The following S100A9 variants were observed in gnomAD, a reference collection of about 807,000 sequenced individuals.
S100A9 encodes S100 calcium binding protein A9, also known as protein S100-A9.
In S100A9, 2 loss-of-function variants were observed where a neutral mutation model predicts 4.3. The observed-to-expected ratio is 0.47, with a 90% CI of 0.19 to 1.48. The LOEUF is 1.48. S100A9 is among the 40% of genes most tolerant of loss of function. The probability of loss-of-function intolerance (pLI) is 0.24; values close to 1 mark genes in which losing one functional copy is unlikely to be tolerated. For synonymous variants in S100A9, 67 were observed against 54.0 expected (o/e 1.24, Z -1.06); for missense variants, 130 against 144.4 (o/e 0.90, Z 0.51).
intron 2 of S100A9, among the ~76,000 whole-genome samples, chr1:153,359,088 C>T (rs1203188620): frequency 6.6e-6 from 1 of 152,068 alleles, no homozygotes; most frequent in East Asian, 1.9e-4. Flanking sequence ...TCCCCCGCTC[C>T]AAAAATGATT....
At position 153,360,727 on chromosome 1, in the gene S100A9, G is replaced by T; in HGVS notation, c.234G>T (p.Glu78Asp). The T allele has an allele frequency of 6.2e-7, 1 of 1,614,110 alleles. No individual in the cohort carries two copies. Among genetic ancestry groups the T allele is most frequent in the Non-Finnish European group, 8.5e-7 (1 of 1,179,920 alleles). ...CAGACAAGCAGCTGAGCTTCGAGGA[G>T]TTCATCATGCTGATGGCGAGGCTAA... ...TNADKQLSFE[E>D]FIMLMARLTW... The change falls in exon 3 of 3, where the codon GAG (glutamate) becomes GAT (aspartate). Residue 78 changes from glutamate to aspartate, a missense_variant. Physicochemically the swap from Glu to Asp is conservative, Grantham distance 45. Coordinates refer to ENST00000368738, the MANE Select transcript of S100A9 (RefSeq NM_002965.4).
intron 2 of S100A9, among the ~76,000 whole-genome samples, chr1:153,359,366 G>C (rs1047336951): frequency 6.6e-6 from 1 of 152,154 alleles, no homozygotes; most frequent in African/African-American, 2.4e-5. Flanking sequence ...AGGCAGGCAG[G>C]ATGCTGGGTG....
intron 2 of S100A9, 62 bp downstream of exon 2, chr1:153,358,495 A>AT: frequency 7.6e-7 from 1 of 1,310,232 alleles, no homozygotes; most frequent in Non-Finnish European, 1.0e-6. Context: ...ACAAGGGAGG[A>AT]TGGGAGTATG....
chr1:153,360,649 G>A lies in S100A9; in HGVS notation c.156G>A (p.Glu52=). The part of the protein sequence containing the change: ...RKDLQNFLKK[E]NKNEKVIEHI... ...CCTTCTCTCCCCACCCGCAGAAGGA[G>A]AATAAGAATGAAAAGGTCATAGAAC... Residue 52 remains glutamate (E), a synonymous_variant, in exon 3 of 3, where the codon GAG becomes GAA. Coordinates refer to ENST00000368738, the MANE Select transcript of S100A9 (RefSeq NM_002965.4). 1.9e-6 allele frequency: 3 copies of A among 1,604,266 alleles called. No homozygotes were observed. Among genetic ancestry groups the A allele is most frequent in the Non-Finnish European group, 2.6e-6 (3 of 1,173,088 alleles).
intron 2 of S100A9, among the ~76,000 whole-genome samples, chr1:153,359,637 A>G (rs182979548): frequency 1.2e-4 from 16 of 134,816 alleles, no homozygotes; most frequent in African/African-American, 4.0e-4. Context: ...GCTCTCTTGG[A>G]CCCCGCCTGG....
intron 2 of S100A9, 58 bp downstream of exon 2, chr1:153,358,491 G>A (rs1661388694): frequency 3.6e-6 from 5 of 1,384,238 alleles, no homozygotes; most frequent in Non-Finnish European, 4.9e-6. Flanking sequence ...GTTGACAAGG[G>A]AGGATGGGAG....
Position 153,360,938 on chromosome 1 carries a change from C to A in S100A9, c.*100C>A. ...AGGAGGCCAGGCCACCCTGCCTCTA[C>A]CCAACCAGGGCCCCGGGGCCTGTTA... On this transcript the variant is annotated 3_prime_UTR_variant, in exon 3 of 3. Coordinates refer to ENST00000368738, the MANE Select transcript of S100A9 (RefSeq NM_002965.4). 2 of 911,836 alleles carry A rather than the reference C, an allele frequency of 2.2e-6. 1 individual carries two copies. Among genetic ancestry groups the A allele is most frequent in the Non-Finnish European group, 3.3e-6 (2 of 612,410 alleles). The allele number at this position is 911,836 out of a possible 1,614,324, so 56.5% of individuals were successfully genotyped here.
chr1:153,360,463 G>A (rs192136275), intron 2 of S100A9, among the ~76,000 whole-genome samples, 181 bp from the exon 3 acceptor site: 2 of 152,140 alleles, frequency 1.3e-5, no homozygotes, highest in Non-Finnish European at 2.9e-5. Context: ...ACTGGAGAGC[G>A]TTTGGTATGT....
rs1273191177 is a variant in S100A9 at position 153,358,440 on chromosome 1, C to G, written c.150+7C>G. Reference sequence around the variant, plus strand: ...TCTGCAAAATTTTCTCAAGGTAGGGCTGGACTCTGGCAGGTCTGACCCAGC... The same window carrying G: ...TCTGCAAAATTTTCTCAAGGTAGGGGTGGACTCTGGCAGGTCTGACCCAGC... On this transcript the variant is annotated splice_region_variant and intron_variant, in intron 2 of 2. Coordinates refer to ENST00000368738, the MANE Select transcript of S100A9 (RefSeq NM_002965.4). The G allele has an allele frequency of 8.8e-6, 14 of 1,594,702 alleles. No individual in the cohort carries two copies. Among genetic ancestry groups the G allele is most frequent in the Non-Finnish European group, 1.1e-5 (13 of 1,168,228 alleles).
At position 153,360,766 on chromosome 1, in the gene S100A9, C is replaced by T. The variant is rs370370843; in HGVS notation, c.273C>T (p.His91=). 27 of 1,614,012 alleles carry T rather than the reference C, an allele frequency of 1.7e-5. No individual in the cohort carries two copies. In the East Asian group the frequency reaches 2.7e-4, roughly 16 times the overall value. ...MLMARLTWAS[H]EKMHEGDEGP... The stretch of plus-strand genomic sequence containing the variant: ...TGGCGAGGCTAACCTGGGCCTCCCA[C>T]GAGAAGATGCACGAGGGTGACGAGG... Residue 91 remains histidine (H), a synonymous_variant, in exon 3 of 3, where the codon CAC becomes CAT. Coordinates refer to ENST00000368738, the MANE Select transcript of S100A9 (RefSeq NM_002965.4).
chr1:153,360,863 G>A lies in S100A9; in HGVS notation c.*25G>A, dbSNP rs760007791. The A allele has an allele frequency of 4.7e-6, 7 of 1,495,154 alleles. No homozygotes were observed. The highest frequency in any genetic ancestry group is 1.8e-4 in the Middle Eastern group (1 of 5,504). 92.6% of individuals were successfully genotyped at this position (1,495,154 alleles called of 1,614,324 possible). On this transcript the variant is annotated 3_prime_UTR_variant, in exon 3 of 3. Transcript: ENST00000368738. ...AGACCACAGTGGCCAAGATCACAGT[G>A]GCCACGGCCACGGCCACAGTCATGG...
At position 153,358,312 on chromosome 1, in the gene S100A9, G is replaced by A. The variant is rs757621072; in HGVS notation, c.29G>A (p.Arg10His). The change falls in exon 2 of 3, where the codon CGC (arginine) becomes CAC (histidine). Residue 10 changes from arginine to histidine, a missense_variant. Arg to His is a conservative substitution (Grantham distance 29, BLOSUM62 0). Transcript: ENST00000368738. The part of the protein sequence containing the change: MTCKMSQLE[R>H]NIETIINTFH... ...ACTTGCAAAATGTCGCAGCTGGAAC[G>A]CAACATAGAGACCATCATCAACACC... is the stretch of plus-strand genomic sequence containing the variant. 172 of 1,608,102 alleles carry A rather than the reference G, an allele frequency of 1.1e-4. No individual in the cohort carries two copies. The highest frequency in any genetic ancestry group is 7.0e-4 in the South Asian group (63 of 90,464).
At chr1:153,358,567 G>A (rs1387088664) in intron 2 of S100A9, 134 bp downstream of exon 2, 6 of 704,740 alleles carry the variant, frequency 8.5e-6, no homozygotes, top group Non-Finnish European at 1.4e-5. Context: ...CGCAGCGAGT[G>A]TCCTGTTATA....
At chr1:153,357,964 C>T (rs1661377118) in intron 1 of S100A9, 83 bp downstream of exon 1, 1 of 183,240 alleles carries the variant, frequency 5.5e-6, no homozygotes, top group Admixed American at 6.2e-5. Context: ...CCTTCCAAAT[C>T]CTCCTCCTAG....
rs539669859 is a variant in S100A9, at chr1:153,360,627, T to C, written c.151-17T>C. ...TGGCCACACCCAGCTCTCACAGCCT[T>C]CTCTCCCCACCCGCAGAAGGAGAAT... On this transcript the variant is annotated splice_polypyrimidine_tract_variant and intron_variant, in intron 2 of 2. Transcript: ENST00000368738. 19 of 1,581,232 alleles carry C rather than the reference T, an allele frequency of 1.2e-5. No homozygotes were observed. The African/African-American group carries it at 2.4e-4, about 20-fold the overall frequency.
At position 153,360,928 on chromosome 1, in the gene S100A9, C is replaced by G; in HGVS notation, c.*90C>G. 1.0e-6 allele frequency: 1 copy of G among 997,202 alleles called. No homozygotes were observed. The highest frequency in any genetic ancestry group is 3.0e-5 in the Admixed American group (1 of 33,560). The allele number at this position is 997,202 out of a possible 1,614,324, so 61.8% of individuals were successfully genotyped here. A position where few individuals can be genotyped will look rare whatever the true frequency, so the allele number is the denominator to read the frequency against. On this transcript the variant is annotated 3_prime_UTR_variant, in exon 3 of 3. Coordinates refer to ENST00000368738, the MANE Select transcript of S100A9 (RefSeq NM_002965.4). ...GCCACTAATCAGGAGGCCAGGCCAC[C>G]CTGCCTCTACCCAACCAGGGCCCCG...
Position 153,359,751 on chromosome 1 carries a change from C to A in S100A9, c.151-893C>A, listed in dbSNP as rs551973244. Reference sequence around the variant, plus strand: ...TTGCCCAGGCTGGAGTGCAACGGCACAATCTCGGCTCACCACAACCTCCAC... The same window carrying A: ...TTGCCCAGGCTGGAGTGCAACGGCAAAATCTCGGCTCACCACAACCTCCAC... On this transcript the variant is annotated intron_variant, in intron 2 of 2. Transcript: ENST00000368738. Among the ~76,000 whole-genome samples the A allele has an allele frequency of 2.8e-5, 4 of 144,532 alleles. No individual in the cohort carries two copies. The East Asian group carries it at 8.4e-4, about 30-fold the overall frequency. The allele number at this position is 144,532 out of a possible 152,430, so 94.8% of individuals were successfully genotyped here. A position where few individuals can be genotyped will look rare whatever the true frequency, so the allele number is the denominator to read the frequency against.
At chr1:153,359,309 G>A (rs1426069856) in intron 2 of S100A9, among the ~76,000 whole-genome samples, 1 of 152,018 alleles carries the variant, frequency 6.6e-6, no homozygotes, top group Admixed American at 6.6e-5. Flanking sequence ...GAGAATTGCA[G>A]CCTTCAGAGT....
In S100A9 at chr1:153,360,887, G is replaced by A; in HGVS notation, c.*49G>A. The stretch of plus-strand genomic sequence containing the variant: ...TGGCCACGGCCACGGCCACAGTCAT[G>A]GTGGCCACGGCCACAGCCACTAATC... On this transcript the variant is annotated 3_prime_UTR_variant, in exon 3 of 3. Coordinates refer to ENST00000368738, the MANE Select transcript of S100A9 (RefSeq NM_002965.4). 3.6e-6 allele frequency: 5 copies of A among 1,390,128 alleles called. No homozygotes were observed. The highest frequency in any genetic ancestry group is 4.8e-6 in the Non-Finnish European group (5 of 1,031,032). The allele number at this position is 1,390,128 out of a possible 1,614,324, so 86.1% of individuals were successfully genotyped here.
Sources: allele counts gnomAD v4.1 joint callset (sites outside exome capture counted in the v4.1 genomes callset), GRCh38; gene constraint gnomAD v4.1.1; transcripts MANE v1.5; gene names NCBI Gene and HGNC (gene_info 2026-07-23, HGNC 2026-07-21).